Variants in RASA2 observed in about 807,000 individuals in gnomAD.
RASA2 encodes RAS p21 protein activator 2, also known as ras GTPase-activating protein 2.
Under a neutral mutation model 118.2 loss-of-function variants are expected in RASA2, and 155 were observed. The ratio of observed to expected loss-of-function variants is 1.31; its 90% CI spans 1.15 to 1.50. RASA2 has a LOEUF of 1.50. Among genes scored for constraint, RASA2 ranks in the 40% most tolerant of loss-of-function variants. The pLI is 0.00. For missense variants in RASA2, 1,016 were observed against 1,009.6 expected (o/e 1.01, Z -0.09); for synonymous variants, 353 against 349.1 (o/e 1.01, Z -0.12).
intron 7 of RASA2, among the ~76,000 whole-genome samples, chr3:141,556,677 T>A (rs1287215393): frequency 6.6e-6 from 1 of 152,160 alleles, no homozygotes; most frequent in African/African-American, 2.4e-5. Context: ...TGTATTCTAA[T>A]AAAGCATGTT....
At chr3:141,572,057 T>TAC (rs1240506986) in intron 11 of RASA2, among the ~76,000 whole-genome samples, 7 of 126,376 alleles carry the variant, frequency 5.5e-5, no homozygotes, top group Non-Finnish European at 9.2e-5. Flanking sequence ...TATATATATA[T>TAC]ATATACACAC....
chr3:141,539,957 G>A (rs1172436891), intron 4 of RASA2, among the ~76,000 whole-genome samples: 4 of 151,914 alleles, frequency 2.6e-5, no homozygotes, highest in Admixed American at 6.6e-5. Flanking sequence ...TAGATTGTAC[G>A]CTGCTTGTAA....
chr3:141,563,890 A>G (rs2151122819), intron 9 of RASA2, among the ~76,000 whole-genome samples: 1 of 152,290 alleles, frequency 6.6e-6, no homozygotes, highest in African/African-American at 2.4e-5. Flanking sequence ...ATATTATATA[A>G]AAGAGAATCA....
chr3:141,559,169 A>G (rs1043712786), intron 8 of RASA2, among the ~76,000 whole-genome samples: 2 of 152,192 alleles, frequency 1.3e-5, no homozygotes, highest in Admixed American at 1.3e-4. Flanking sequence ...TATTAATTTT[A>G]TAAACAAAGA....
intron 9 of RASA2, among the ~76,000 whole-genome samples, chr3:141,566,922 C>G (rs2082828488): frequency 6.6e-6 from 1 of 152,106 alleles, no homozygotes; most frequent in East Asian, 1.9e-4. Flanking sequence ...CCCATGTGCC[C>G]TATTCTGACC....
chr3:141,533,217 G>C (rs1203088424), intron 4 of RASA2, among the ~76,000 whole-genome samples: 1 of 152,140 alleles, frequency 6.6e-6, no homozygotes, highest in Non-Finnish European at 1.5e-5. Context: ...ACTTGGGTCA[G>C]ATGTCTACTT....
chr3:141,564,497 G>A (rs1288614011), intron 9 of RASA2, among the ~76,000 whole-genome samples: 1 of 152,154 alleles, frequency 6.6e-6, no homozygotes, highest in African/African-American at 2.4e-5. Context: ...ATTCCAAAGA[G>A]GTAGGCATGG....
chr3:141,539,296 G>C (rs934467039), intron 4 of RASA2, among the ~76,000 whole-genome samples: 70 of 152,258 alleles, frequency 4.6e-4, no homozygotes, highest in Non-Finnish European at 8.4e-4. Context: ...TTTAGTTCCA[G>C]CTCCACGTAA....
chr3:141,499,271 T>A (rs1160620390), intron 1 of RASA2, among the ~76,000 whole-genome samples: 1 of 152,240 alleles, frequency 6.6e-6, no homozygotes, highest in East Asian at 1.9e-4. Flanking sequence ...TTTGACTTTG[T>A]CTTGTCACTA....
In RASA2 at chr3:141,608,690, T is replaced by G; in HGVS notation, c.2218T>G (p.Cys740Gly). ...TGAAAACACTCTCGGCTGCAAGCCA[T>G]GTACTGCGTAAGTTTCTTTCTGATT... The part of the protein sequence containing the change: ...TGENTLGCKP[C>G]TAGVPADIQI... The change falls in exon 21 of 24, where the codon TGT becomes GGT. Residue 740 changes from cysteine (C) to glycine (G), a missense_variant. By Grantham distance (159) the Cys-to-Gly change is radical. This residue lies in a region of RASA2 where 120 missense variants were observed against 173.2 expected (regional missense o/e 0.69). Transcript: ENST00000286364. 1 of 1,612,628 alleles carries G rather than the reference T, an allele frequency of 6.2e-7. No individual in the cohort carries two copies. The highest frequency in any genetic ancestry group is 8.5e-7 in the Non-Finnish European group (1 of 1,178,728).
At chr3:141,584,769 A>G (rs2083173153) in intron 17 of RASA2, among the ~76,000 whole-genome samples, 1 of 152,216 alleles carries the variant, frequency 6.6e-6, no homozygotes, top group Non-Finnish European at 1.5e-5. Context: ...TTACATTTAG[A>G]AATGTAATAG....
intron 17 of RASA2, among the ~76,000 whole-genome samples, chr3:141,581,917 A>T (rs1010729738): frequency 1.3e-5 from 2 of 152,210 alleles, no homozygotes; most frequent in Admixed American, 6.5e-5. Context: ...AACAAAATAT[A>T]GCATTATCGT....
At chr3:141,503,097 C>T (rs913135587) in intron 1 of RASA2, among the ~76,000 whole-genome samples, 1 of 152,128 alleles carries the variant, frequency 6.6e-6, no homozygotes, top group African/African-American at 2.4e-5. Context: ...TCAAATGAAA[C>T]ATTTGAGAAA....
At chr3:141,504,031 T>C (rs1457893836) in intron 1 of RASA2, among the ~76,000 whole-genome samples, 1 of 152,242 alleles carries the variant, frequency 6.6e-6, no homozygotes, top group East Asian at 1.9e-4. Flanking sequence ...CAAAGTTATA[T>C]ACACACGCAT....
intron 19 of RASA2, among the ~76,000 whole-genome samples, chr3:141,588,758 C>A (rs553947517): frequency 6.6e-6 from 1 of 152,218 alleles, no homozygotes; most frequent in South Asian, 2.1e-4. Flanking sequence ...GGGTATATTA[C>A]TCAGATAATT....
chr3:141,565,135 G>T (rs1377420261), intron 9 of RASA2, among the ~76,000 whole-genome samples: 1 of 152,076 alleles, frequency 6.6e-6, no homozygotes, highest in Non-Finnish European at 1.5e-5. Context: ...ACAGGCCTGT[G>T]CCACCATGCC....
At chr3:141,517,903 C>G (rs2082052338) in intron 3 of RASA2, among the ~76,000 whole-genome samples, 1 of 151,996 alleles carries the variant, frequency 6.6e-6, no homozygotes, top group Non-Finnish European at 1.5e-5. Flanking sequence ...GATCTGCCCA[C>G]CTCGGCCTCC....
Position 141,612,863 on chromosome 3 carries a change from G to C in RASA2, c.*550G>C, listed in dbSNP as rs1257075563. 1.3e-5 allele frequency: 2 copies of C among 152,270 alleles called. No individual in the cohort carries two copies. The highest frequency in any genetic ancestry group is 1.3e-4 in the Admixed American group (2 of 15,282). 9.4% of individuals were successfully genotyped at this position (152,270 alleles called of 1,614,324 possible). A position where few individuals can be genotyped will look rare whatever the true frequency, so the allele number is the denominator to read the frequency against. On this transcript the variant is annotated 3_prime_UTR_variant, in exon 24 of 24. Coordinates refer to ENST00000286364, the MANE Select transcript of RASA2 (RefSeq NM_006506.5). The stretch of plus-strand genomic sequence containing the variant: ...ATTCAAGACAGTGATAGAAACTTTA[G>C]AAAACTGCCAGAGCATACTTGAAAG...
intron 5 of RASA2, among the ~76,000 whole-genome samples, chr3:141,548,227 A>G (rs1051548412): frequency 1.3e-5 from 2 of 151,898 alleles, no homozygotes; most frequent in Middle Eastern, 3.2e-3. Context: ...TCCCCTCTCT[A>G]TTTTTTGGAC....
Sources: allele counts gnomAD v4.1 joint callset (sites outside exome capture counted in the v4.1 genomes callset), GRCh38; gene constraint gnomAD v4.1.1; regional missense constraint gnomAD v4.1.1; transcripts MANE v1.5; gene names NCBI Gene and HGNC (gene_info 2026-07-23, HGNC 2026-07-21).